Variants in DOCK6 observed in about 807,000 individuals in gnomAD.
DOCK6 encodes the protein dedicator of cytokinesis 6, also known as dedicator of cytokinesis protein 6.
In DOCK6, 167 loss-of-function variants were observed where a neutral mutation model predicts 230.3. The ratio of observed to expected loss-of-function variants is 0.73; its 90% CI spans 0.64 to 0.82. DOCK6 has a LOEUF of 0.82. Ranked by LOEUF, DOCK6 falls within the 40% of genes least tolerant of loss-of-function variation. The pLI is 0.00. For missense variants in DOCK6, 2,598 were observed against 2,825.8 expected (o/e 0.92, Z 1.83); for synonymous variants, 1,148 against 1,185.0 (o/e 0.97, Z 0.64).
In DOCK6 at chr19:11,243,094, G is replaced by A. The variant is rs557547319; in HGVS notation, c.1445C>T (p.Pro482Leu). The stretch of plus-strand genomic sequence containing the variant: ...ACGTAGTCGCCGCAGCAGGGACGAC[G>A]GGCGCCTCATGTCAGCCAGGAACTT... ...LFKFLADMRR[P>L]SSLLRRLRPV... The change falls in exon 13 of 48, where the codon CCG becomes CTG. Residue 482 changes from proline to leucine, a missense_variant. Pro to Leu is a moderately conservative substitution (Grantham distance 98, BLOSUM62 -3). Coordinates refer to ENST00000294618, the MANE Select transcript of DOCK6 (RefSeq NM_020812.4). This position sits in a 1 kb window ranked among gnomAD's most constrained non-coding sequence, Gnocchi z 6.3. 3.3e-5 allele frequency: 54 copies of A among 1,613,934 alleles called. No homozygotes were observed. Among genetic ancestry groups the A allele is most frequent in the Admixed American group, 5.0e-5 (3 of 60,016 alleles).
At position 11,215,810 on chromosome 19, in the gene DOCK6, G is replaced by A. The variant is rs775397068; in HGVS notation, c.4012C>T (p.Arg1338Ter). Residue 1338 changes from arginine to a stop codon, truncating the protein, a stop_gained, in exon 31 of 48, where the codon CGA (arginine) becomes TGA (stop). Transcript: ENST00000294618. LOFTEE classifies it high-confidence loss of function. ...TIGARQEMVR[R>*]SRERSPFGNP... ...TATGTCACCCTCTTACCACGACTTC[G>A]CCGAACCATTTCTTGTCGAGCTCCG... The A allele has an allele frequency of 9.3e-6, 15 of 1,613,944 alleles. No individual in the cohort carries two copies. Among genetic ancestry groups the A allele is most frequent in the Admixed American group, 5.0e-5 (3 of 60,010 alleles).
At chr19:11,210,633 T>G (rs1238209291) in intron 37 of DOCK6, among the ~76,000 whole-genome samples, 1 of 142,178 alleles carries the variant, frequency 7.0e-6, no homozygotes, top group Non-Finnish European at 1.5e-5. Context: ...CCCTCACCTG[T>G]TCACCCTCTC....
intron 9 of DOCK6, among the ~76,000 whole-genome samples, chr19:11,244,128 G>A (rs977795627): frequency 1.3e-5 from 2 of 152,170 alleles, no homozygotes; most frequent in Admixed American, 6.5e-5. Flanking sequence ...TTTAGCTGGT[G>A]ATATTTTCCC....
chr19:11,241,170 TG>T (rs1276691852), intron 14 of DOCK6, among the ~76,000 whole-genome samples: 1 of 150,762 alleles, frequency 6.6e-6, no homozygotes, highest in Non-Finnish European at 1.5e-5. Context: ...CGCTTGAACC[TG>T]GGAGGTGGAG....
intron 22 of DOCK6, 150 bp downstream of exon 22, chr19:11,233,053 C>T: frequency 9.0e-7 from 1 of 1,116,902 alleles, no homozygotes; most frequent in Non-Finnish European, 1.3e-6. Context: ...CAACCTGTGA[C>T]AGCCCAGCCC....
In DOCK6 at chr19:11,243,065, C is replaced by T; in HGVS notation, c.1474G>A (p.Val492Met). The T allele has an allele frequency of 1.9e-6, 3 of 1,613,926 alleles. No homozygotes were observed. The highest frequency in any genetic ancestry group is 2.5e-6 in the Non-Finnish European group (3 of 1,179,894). The change falls in exon 13 of 48, where the codon GTG (valine) becomes ATG (methionine). Residue 492 changes from valine to methionine, a missense_variant. Val to Met is a conservative substitution (Grantham distance 21, BLOSUM62 1). Coordinates refer to ENST00000294618, the MANE Select transcript of DOCK6 (RefSeq NM_020812.4). This position sits in a 1 kb window ranked among gnomAD's most constrained non-coding sequence, Gnocchi z 6.3. ...TATGGGGTGTGCCACGCACCAGTCA[C>T]AGGACGTAGTCGCCGCAGCAGGGAC... Reference protein sequence around the residue: ...PSSLLRRLRPVTAQLKIDISP... With the variant: ...PSSLLRRLRPMTAQLKIDISP...
chr19:11,225,386 T>G (rs1207165446), intron 24 of DOCK6, among the ~76,000 whole-genome samples: 1 of 152,174 alleles, frequency 6.6e-6, no homozygotes, highest in Non-Finnish European at 1.5e-5. Context: ...AGGTCACATG[T>G]GATTGTGTAA....
At chr19:11,241,880 G>A (rs1483452853) in intron 14 of DOCK6, 165 bp downstream of exon 14, 2 of 1,251,754 alleles carry the variant, frequency 1.6e-6, no homozygotes, top group Non-Finnish European at 2.2e-6. Flanking sequence ...GGGAGGGGTG[G>A]AGGAAGGACA....
At chr19:11,208,477 C>T (rs1358537124) in intron 39 of DOCK6, 13 of 554,200 alleles carry the variant, frequency 2.3e-5, no homozygotes, top group East Asian at 1.6e-4. Flanking sequence ...GACAGGGTTT[C>T]ACCATGCTGG....
intron 40 of DOCK6, 34 bp from the exon 41 acceptor site, chr19:11,204,129 C>G (rs765751791): frequency 7.0e-7 from 1 of 1,423,930 alleles, no homozygotes; most frequent in Non-Finnish European, 9.4e-7. Flanking sequence ...GTCAGCAGAT[C>G]CCTGGGGATG....
intron 14 of DOCK6, chr19:11,241,754 T>G: frequency 6.4e-7 from 1 of 1,551,616 alleles, no homozygotes; most frequent in Non-Finnish European, 8.7e-7. Flanking sequence ...GTGAGGCCCC[T>G]GTGCAGGGAG....
intron 22 of DOCK6, chr19:11,232,329 G>A (rs1181384780): frequency 7.8e-7 from 1 of 1,278,272 alleles, no homozygotes; most frequent in East Asian, 5.6e-5. Context: ...CCCAGTGGAG[G>A]GCAGGGAAAG....
At chr19:11,214,973 C>T (rs1389282739) in intron 32 of DOCK6, among the ~76,000 whole-genome samples, 4 of 144,604 alleles carry the variant, frequency 2.8e-5, no homozygotes, top group South Asian at 2.2e-4. Context: ...GATGGAGTCT[C>T]GCTCTGTCAC....
intron 1 of DOCK6, among the ~76,000 whole-genome samples, chr19:11,255,401 C>A (rs2080182570): frequency 6.6e-6 from 1 of 150,762 alleles, no homozygotes; most frequent in Non-Finnish European, 1.5e-5. Context: ...GCCTCCCAGG[C>A]TCAAGCGATC....
chr19:11,202,798 G>A lies in DOCK6; in HGVS notation c.5236-89C>T. ...AGATAGGTGTCTCGAATATCAGGAT[G>A]GGAGTGTGAGGACCCCGAGAACATC... is the stretch of plus-strand genomic sequence containing the variant. On this transcript the variant is annotated intron_variant, in intron 41 of 47. Coordinates refer to ENST00000294618, the MANE Select transcript of DOCK6 (RefSeq NM_020812.4). This position sits in a 1 kb window ranked among gnomAD's most constrained non-coding sequence, Gnocchi z 5.3. The A allele has an allele frequency of 6.3e-7, 1 of 1,592,912 alleles. No individual in the cohort carries two copies. The highest frequency in any genetic ancestry group is 1.1e-5 in the South Asian group (1 of 90,184).
At chr19:11,262,229 C>CCTCCCCGCCTT (rs2080302665) in intron 1 of DOCK6, among the ~76,000 whole-genome samples, 168 bp downstream of exon 1, 1 of 151,828 alleles carries the variant, frequency 6.6e-6, no homozygotes, top group African/African-American at 2.4e-5. Flanking sequence ...CCCCCGCGGC[C>CCTCCCCGCCTT]CTCCCCGCCT....
At chr19:11,229,392 T>G in intron 22 of DOCK6, 2 of 1,074,314 alleles carry the variant, frequency 1.9e-6, no homozygotes, top group Non-Finnish European at 2.3e-6. Flanking sequence ...GTCGATGGCC[T>G]ATGATGGGAT....
At chr19:11,229,068 G>C (rs373795256) in intron 22 of DOCK6, 33 bp from the exon 23 acceptor site, 500 of 1,596,582 alleles carry the variant, frequency 3.1e-4, no homozygotes, top group Admixed American at 4.6e-4. Flanking sequence ...CAGAGTGCGA[G>C]GTGCCACCCC....
Position 11,208,755 on chromosome 19 carries a change from G to A in DOCK6, c.5019C>T (p.Cys1673=), listed in dbSNP as rs1246638919. 9 of 1,613,634 alleles carry A rather than the reference G, an allele frequency of 5.6e-6. No homozygotes were observed. The highest frequency in any genetic ancestry group is 7.6e-6 in the Non-Finnish European group (9 of 1,179,748). Residue 1673 remains cysteine (C), a synonymous_variant, in exon 39 of 48, where the codon TGC becomes TGT. Transcript: ENST00000294618. ...CCAGCTCAGTGAAGTGCTTCCCGGAGCAGAAGCCCTCCTCGTCGGGCGACA... is the reference window on the plus strand; with the variant it reads ...CCAGCTCAGTGAAGTGCTTCCCGGAACAGAAGCCCTCCTCGTCGGGCGACA... ...DILSPDEEGF[C]SGKHFTELGL...
Sources: allele counts gnomAD v4.1 joint callset (sites outside exome capture counted in the v4.1 genomes callset), GRCh38; gene constraint gnomAD v4.1.1; non-coding constraint Gnocchi (gnomAD v3.1); transcripts MANE v1.5; gene names NCBI Gene and HGNC (gene_info 2026-07-23, HGNC 2026-07-21).